KHDRBS2: variants seen among roughly 807,000 people sequenced by gnomAD.
KHDRBS2 encodes the protein KH RNA binding domain containing, signal transduction associated 2.
A neutral mutation model predicts 44.3 loss-of-function variants in KHDRBS2; 26 were observed. The ratio of observed to expected loss-of-function variants is 0.59; its 90% CI spans 0.43 to 0.81. The LOEUF (loss-of-function observed/expected upper bound fraction) is 0.81, where lower values mean the gene tolerates loss of function less well. KHDRBS2 is among the 40% of genes least tolerant of loss of function. KHDRBS2 has a pLI of 0.00. For missense variants in KHDRBS2, 476 were observed against 433.1 expected (o/e 1.10, Z -0.88); for synonymous variants, 194 against 151.1 (o/e 1.28, Z -2.08).
At chr6:61,664,143 T>A in the KHDRBS2 span, among the ~76,000 whole-genome samples, 2 of 151,844 alleles carry the variant, frequency 1.3e-5, no homozygotes, top group African/African-American at 4.8e-5. Context: ...CTGATCTTTC[T>A]ACTTTTCTTA....
the KHDRBS2 span, among the ~76,000 whole-genome samples, chr6:61,555,206 T>G: frequency 1.3e-5 from 2 of 151,988 alleles, no homozygotes; most frequent in Admixed American, 6.6e-5. Context: ...TCATTCAACT[T>G]TATTATTTTT....
chr6:61,985,227 A>G (rs1290363225), intron 3 of KHDRBS2, among the ~76,000 whole-genome samples: 1 of 152,130 alleles, frequency 6.6e-6, no homozygotes, highest in Admixed American at 6.6e-5. Context: ...AAGACTGGAA[A>G]CTTTTTAGTA....
intron 4 of KHDRBS2, among the ~76,000 whole-genome samples, chr6:61,901,840 G>A (rs1489333983): frequency 2.0e-5 from 3 of 152,276 alleles, no homozygotes; most frequent in Non-Finnish European, 1.5e-5. Flanking sequence ...TAGATACTGA[G>A]CATGTATTAC....
intron 2 of KHDRBS2, among the ~76,000 whole-genome samples, chr6:62,090,642 A>G (rs1799328818): frequency 6.6e-6 from 1 of 152,010 alleles, no homozygotes; most frequent in South Asian, 2.1e-4. Flanking sequence ...AAGAGAACTG[A>G]AAGTGTTTAT....
chr6:61,876,614 CT>C (rs1205332800), intron 6 of KHDRBS2, among the ~76,000 whole-genome samples: 1 of 152,020 alleles, frequency 6.6e-6, no homozygotes, highest in Non-Finnish European at 1.5e-5. Flanking sequence ...TTGTTTTCTC[CT>C]TTAATGGCAT....
At chr6:61,660,169 C>G in the KHDRBS2 span, among the ~76,000 whole-genome samples, 1 of 151,822 alleles carries the variant, frequency 6.6e-6, no homozygotes, top group Non-Finnish European at 1.5e-5. Context: ...CAGTGTAGTT[C>G]GTAACTGACA....
At position 61,978,227 on chromosome 6, in the gene KHDRBS2, AT is replaced by A; in HGVS notation, c.337-16del. ...AGTTCTTCTTCCTGTGAAAAAGGTT[AT>A]TTTTAGAAATACAAATCCACTCATT... On this transcript the variant is annotated splice_polypyrimidine_tract_variant and intron_variant, in intron 3 of 8. Transcript: ENST00000281156. 1 of 1,591,768 alleles carries A rather than the reference AT, an allele frequency of 6.3e-7. No individual in the cohort carries two copies. Among genetic ancestry groups the A allele is most frequent in the South Asian group, 1.1e-5 (1 of 87,898 alleles).
chr6:62,249,259 G>A (rs1322556108), intron 1 of KHDRBS2, among the ~76,000 whole-genome samples: 1 of 152,042 alleles, frequency 6.6e-6, no homozygotes, highest in African/African-American at 2.4e-5. Context: ...TAGTCACACT[G>A]ATTAAAAGTA....
Position 61,823,619 on chromosome 6 carries a change from A to T in KHDRBS2, c.810+71016T>A, listed in dbSNP as rs145306328. Among the ~76,000 whole-genome samples the T allele has an allele frequency of 2.3e-3, 351 of 152,130 alleles. 15 individuals are homozygous for T. The East Asian group carries it at 0.061, about 27-fold the overall frequency. ...ATCAGTTCATTTTATGATTATCCTC[A>T]TCAGTGAGGTAATTGCTTCAAAATG... On this transcript the variant is annotated intron_variant, in intron 6 of 8. Transcript: ENST00000281156.
At chr6:62,285,248 A>G (rs1308642686) in intron 1 of KHDRBS2, among the ~76,000 whole-genome samples, 1 of 152,190 alleles carries the variant, frequency 6.6e-6, no homozygotes, top group South Asian at 2.1e-4. Flanking sequence ...GATCAATTAT[A>G]GAGTGTTCCC....
At chr6:62,285,115 C>T (rs1842301370) in intron 1 of KHDRBS2, among the ~76,000 whole-genome samples, 1 of 151,868 alleles carries the variant, frequency 6.6e-6, no homozygotes, top group Non-Finnish European at 1.5e-5. Flanking sequence ...GTTCATGTGT[C>T]TTTTTTCAAA....
chr6:62,250,932 G>C (rs1463912834), intron 1 of KHDRBS2, among the ~76,000 whole-genome samples: 1 of 151,908 alleles, frequency 6.6e-6, no homozygotes, highest in Non-Finnish European at 1.5e-5. Flanking sequence ...AGATCATTTG[G>C]TCCCAAGCTG....
chr6:62,233,553 A>T (rs1017910457), intron 1 of KHDRBS2, among the ~76,000 whole-genome samples: 2 of 152,092 alleles, frequency 1.3e-5, no homozygotes, highest in Admixed American at 6.6e-5. Flanking sequence ...AACTTGTGTC[A>T]TAGGGGTTTG....
intron 3 of KHDRBS2, among the ~76,000 whole-genome samples, chr6:62,018,297 A>C (rs1433918391): frequency 7.2e-6 from 1 of 138,490 alleles, no homozygotes; most frequent in Non-Finnish European, 1.5e-5. Flanking sequence ...CTATATATAT[A>C]TATGTGTGTG....
At chr6:61,595,554 C>G in the KHDRBS2 span, among the ~76,000 whole-genome samples, 5 of 151,988 alleles carry the variant, frequency 3.3e-5, no homozygotes, top group African/African-American at 1.2e-4. Context: ...ATACACTTTG[C>G]ATATAAAATT....
At chr6:62,076,270 A>G (rs1392366437) in intron 2 of KHDRBS2, among the ~76,000 whole-genome samples, 1 of 152,022 alleles carries the variant, frequency 6.6e-6, no homozygotes, top group African/African-American at 2.4e-5. Context: ...CAAATGTGCT[A>G]TTGTGGATTA....
intron 6 of KHDRBS2, among the ~76,000 whole-genome samples, chr6:61,781,460 G>T (rs1375661896): frequency 1.3e-5 from 2 of 152,022 alleles, no homozygotes; most frequent in African/African-American, 4.8e-5. Context: ...CCATAAATAA[G>T]ATCTATGATT....
the KHDRBS2 span, among the ~76,000 whole-genome samples, chr6:61,610,965 G>T: frequency 3.3e-5 from 5 of 152,100 alleles, no homozygotes; most frequent in African/African-American, 9.7e-5. Flanking sequence ...ACTGAAGAAG[G>T]CCCCTATGAT....
At chr6:61,558,927 A>C in the KHDRBS2 span, among the ~76,000 whole-genome samples, 1 of 152,144 alleles carries the variant, frequency 6.6e-6, no homozygotes, top group South Asian at 2.1e-4. Context: ...AATATCTATT[A>C]GGTCCATTTG....
Sources: allele counts gnomAD v4.1 joint callset (sites outside exome capture counted in the v4.1 genomes callset), GRCh38; gene constraint gnomAD v4.1.1; transcripts MANE v1.5; gene names NCBI Gene and HGNC (gene_info 2026-07-23, HGNC 2026-07-21).